The following CCSER1 variants were observed in gnomAD, a reference collection of about 807,000 sequenced individuals.
The protein encoded by CCSER1 is serine-rich coiled-coil domain-containing protein 1.
In CCSER1, 41 loss-of-function variants were observed where a neutral mutation model predicts 82.0. The observed-to-expected ratio is 0.50, with a 90% confidence interval of 0.39 to 0.65. CCSER1 has a LOEUF of 0.65. Ranked by LOEUF, CCSER1 falls within the 30% of genes least tolerant of loss-of-function variation. The probability of loss-of-function intolerance (pLI) is 0.00; values close to 1 mark genes in which losing one functional copy is unlikely to be tolerated. For missense variants in CCSER1, 1,119 were observed against 1,064.2 expected (o/e 1.05, Z -0.72); for synonymous variants, 414 against 383.9 (o/e 1.08, Z -0.92).
At chr4:91,117,698 GA>G (rs60206492) in intron 10 of CCSER1, among the ~76,000 whole-genome samples, 4 of 150,210 alleles carry the variant, frequency 2.7e-5, no homozygotes, top group African/African-American at 9.8e-5. Flanking sequence ...GCCATAGGCA[GA>G]AAAAAAAATG....
At chr4:90,506,048 G>A (rs1216280852) in intron 5 of CCSER1, among the ~76,000 whole-genome samples, 1 of 152,186 alleles carries the variant, frequency 6.6e-6, no homozygotes, top group Admixed American at 6.5e-5. Flanking sequence ...ACAAAGGGAT[G>A]TTTTATTCAA....
At chr4:90,270,281 C>T (rs1321009203) in intron 1 of CCSER1, among the ~76,000 whole-genome samples, 1 of 152,052 alleles carries the variant, frequency 6.6e-6, no homozygotes, top group African/African-American at 2.4e-5. Flanking sequence ...TACTAGCAAA[C>T]TGAATTCAGC....
intron 7 of CCSER1, among the ~76,000 whole-genome samples, chr4:90,730,699 T>C (rs1202528945): frequency 3.9e-5 from 6 of 152,296 alleles, no homozygotes; most frequent in African/African-American, 1.4e-4. Flanking sequence ...ACCACTTTGA[T>C]TATGGAACAT....
intron 5 of CCSER1, among the ~76,000 whole-genome samples, chr4:90,574,312 A>G (rs530261568): frequency 7.1e-4 from 87 of 121,804 alleles, no homozygotes; most frequent in Non-Finnish European, 1.1e-3. Context: ...CACAGGCTGG[A>G]CTGCGGACTG....
At chr4:91,225,765 T>C (rs1307773675) in intron 10 of CCSER1, among the ~76,000 whole-genome samples, 1 of 151,870 alleles carries the variant, frequency 6.6e-6, no homozygotes, top group East Asian at 1.9e-4. Flanking sequence ...CTGATTTTGA[T>C]GGTTTCAATC....
At chr4:90,246,362 C>T (rs1721399019) in intron 1 of CCSER1, among the ~76,000 whole-genome samples, 1 of 152,064 alleles carries the variant, frequency 6.6e-6, no homozygotes, top group South Asian at 2.1e-4. Flanking sequence ...TGTTTCTGTA[C>T]TTATCATTTT....
intron 10 of CCSER1, among the ~76,000 whole-genome samples, chr4:91,540,576 A>G (rs1430813904): frequency 6.6e-6 from 1 of 152,018 alleles, no homozygotes; most frequent in Non-Finnish European, 1.5e-5. Context: ...TAGTTTATCA[A>G]TTATTTCTTT....
intron 1 of CCSER1, among the ~76,000 whole-genome samples, chr4:90,306,378 G>C (rs185091863): frequency 5.9e-5 from 9 of 152,002 alleles, no homozygotes; most frequent in Admixed American, 5.9e-4. Context: ...ATGTATATGA[G>C]GTGATAAGTA....
intron 9 of CCSER1, among the ~76,000 whole-genome samples, chr4:90,989,400 C>T (rs776807000): frequency 3.3e-5 from 5 of 151,690 alleles, no homozygotes; most frequent in East Asian, 1.9e-4. Context: ...CTGGGGTATA[C>T]GTTTTGAAGG....
chr4:91,390,776 C>T (rs190780762), intron 10 of CCSER1, among the ~76,000 whole-genome samples: 26 of 152,024 alleles, frequency 1.7e-4, no homozygotes, highest in Non-Finnish European at 2.8e-4. Context: ...TAGGCCTAGT[C>T]AGATTGTTTA....
intron 10 of CCSER1, among the ~76,000 whole-genome samples, 193 bp from the exon 11 acceptor site, chr4:91,598,378 TA>T (rs1320083008): frequency 6.6e-6 from 1 of 152,144 alleles, no homozygotes; most frequent in East Asian, 1.9e-4. Context: ...TAGAGTAAAT[TA>T]ACCATTTAAT....
intron 10 of CCSER1, among the ~76,000 whole-genome samples, chr4:91,288,127 C>CAT (rs1743453572): frequency 1.5e-5 from 1 of 68,838 alleles, no homozygotes. Flanking sequence ...TATACACACT[C>CAT]ATGTATATAT....
At chr4:90,648,274 G>GAGAAAGAAAGGAAAGAAAGAAAGAAAGAA (rs1727984397) in intron 6 of CCSER1, among the ~76,000 whole-genome samples, 1 of 100,714 alleles carries the variant, frequency 9.9e-6, no homozygotes, top group Non-Finnish European at 2.1e-5. Context: ...GAAAGAGAGA[G>GAGAAAGAAAGGAAAGAAAGAAAGAAAGAA]AGAAAGAAAG....
At chr4:91,088,691 A>G (rs888935308) in intron 10 of CCSER1, among the ~76,000 whole-genome samples, 4 of 152,190 alleles carry the variant, frequency 2.6e-5, no homozygotes, top group Non-Finnish European at 5.9e-5. Context: ...AATAGATAAT[A>G]AAAAGCTTGT....
rs1734802518 is a variant in CCSER1, at chr4:90,968,696, A to G, written c.2172+45249A>G. Among the ~76,000 whole-genome samples the G allele has an allele frequency of 2.0e-5, 3 of 152,120 alleles. No individual in the cohort carries two copies. The East Asian group carries it at 5.8e-4, about 29-fold the overall frequency. ...CTGATTGGTGAAGGTATTTCTCTCCAGAGATGATAAATTCTACAGGAAGTT... is the reference window on the plus strand; with the variant it reads ...CTGATTGGTGAAGGTATTTCTCTCCGGAGATGATAAATTCTACAGGAAGTT... On this transcript the variant is annotated intron_variant, in intron 9 of 10. Transcript: ENST00000509176.
intron 3 of CCSER1, among the ~76,000 whole-genome samples, chr4:90,358,256 T>G (rs1057347679): frequency 9.6e-6 from 1 of 104,410 alleles, no homozygotes; most frequent in Admixed American, 8.7e-5. Flanking sequence ...TACTTGAGTG[T>G]TAATGATTCA....
At chr4:90,326,109 A>C (rs2153491424) in intron 3 of CCSER1, among the ~76,000 whole-genome samples, 1 of 127,210 alleles carries the variant, frequency 7.9e-6, no homozygotes, top group East Asian at 2.4e-4. Flanking sequence ...CCCAGGCTGG[A>C]GTGCAGTGGC....
intron 10 of CCSER1, among the ~76,000 whole-genome samples, chr4:91,575,646 T>C (rs1457192524): frequency 6.6e-6 from 1 of 151,792 alleles, no homozygotes; most frequent in Non-Finnish European, 1.5e-5. Flanking sequence ...AAAATATGTA[T>C]GGAATTACAA....
chr4:90,856,478 A>G (rs887270060), intron 8 of CCSER1, among the ~76,000 whole-genome samples: 1 of 152,118 alleles, frequency 6.6e-6, no homozygotes, highest in African/African-American at 2.4e-5. Context: ...CAAGTATGGG[A>G]ATTAAGATGG....
Sources: gnomAD v4.1 joint callset for allele counts (sites outside exome capture counted in the v4.1 genomes callset) on GRCh38, gnomAD v4.1.1 for gene constraint, MANE v1.5 for transcripts, NCBI Gene and HGNC (gene_info 2026-07-23, HGNC 2026-07-21) for gene names.